The following PSEN1 variants were observed in gnomAD, a reference collection of about 807,000 sequenced individuals.
PSEN1 encodes presenilin-1.
Under a neutral mutation model 53.5 loss-of-function variants are expected in PSEN1, and 15 were observed. That is an observed-to-expected ratio of 0.28 (90% CI 0.19 to 0.43). The LOEUF is 0.43. Among genes scored for constraint, PSEN1 ranks in the 20% least tolerant of loss-of-function variants. The pLI, the probability that PSEN1 is intolerant of heterozygous loss-of-function variation, is 1.00. For missense variants in PSEN1, 387 were observed against 571.2 expected, an observed-to-expected ratio of 0.68 and a Z score of 3.29; for synonymous variants, 208 against 209.8, an observed-to-expected ratio of 0.99 and a Z score of 0.08.
At chr14:73,198,556 T>C (rs919374593) in intron 8 of PSEN1, among the ~76,000 whole-genome samples, 2 of 152,098 alleles carry the variant, frequency 1.3e-5, no homozygotes, top group African/African-American at 4.8e-5. Flanking sequence ...AATTGGTGGG[T>C]TGGATACTGA....
At chr14:73,192,915 T>G in intron 7 of PSEN1, 51 bp downstream of exon 7, 2 of 1,391,234 alleles carry the variant, frequency 1.4e-6, no homozygotes, top group Non-Finnish European at 2.0e-6. Context: ...CCCACTGGAG[T>G]GTTTTCTTTC....
At chr14:73,216,780 T>C (rs1899934650) in intron 10 of PSEN1, among the ~76,000 whole-genome samples, 1 of 151,960 alleles carries the variant, frequency 6.6e-6, no homozygotes, top group Non-Finnish European at 1.5e-5. Context: ...AAATATTAAT[T>C]AATATGATAA....
intron 3 of PSEN1, among the ~76,000 whole-genome samples, chr14:73,150,624 G>T (rs1897190626): frequency 6.6e-6 from 1 of 151,748 alleles, no homozygotes. Flanking sequence ...AATTTAGCCA[G>T]GCGTGATGGC....
chr14:73,214,917 G>A (rs1314677259), intron 10 of PSEN1, among the ~76,000 whole-genome samples: 1 of 152,036 alleles, frequency 6.6e-6, no homozygotes, highest in Non-Finnish European at 1.5e-5. Flanking sequence ...AACTTAAAAA[G>A]GGTTAAGATG....
At chr14:73,207,881 G>C (rs1899517661) in intron 9 of PSEN1, among the ~76,000 whole-genome samples, 1 of 152,236 alleles carries the variant, frequency 6.6e-6, no homozygotes, top group African/African-American at 2.4e-5. Context: ...GGCTGCAGCA[G>C]GGCAGGCAGC....
At chr14:73,144,329 T>C (rs1251974986) in intron 1 of PSEN1, among the ~76,000 whole-genome samples, 1 of 152,124 alleles carries the variant, frequency 6.6e-6, no homozygotes, top group Non-Finnish European at 1.5e-5. Flanking sequence ...CGTGAGCCAC[T>C]GCGCCCAGCC....
intron 3 of PSEN1, among the ~76,000 whole-genome samples, chr14:73,170,201 C>T (rs947454000): frequency 6.6e-6 from 1 of 152,162 alleles, no homozygotes; most frequent in African/African-American, 2.4e-5. Flanking sequence ...TTTTGGCCAG[C>T]TTCTTTATTG....
At chr14:73,140,385 A>G (rs1896890868) in intron 1 of PSEN1, among the ~76,000 whole-genome samples, 1 of 150,546 alleles carries the variant, frequency 6.6e-6, no homozygotes. Context: ...TAATTTTTGT[A>G]TTTTTAGTAG....
chr14:73,196,415 A>G (rs1346405488), intron 7 of PSEN1, among the ~76,000 whole-genome samples: 2 of 136,600 alleles, frequency 1.5e-5, no homozygotes, highest in African/African-American at 3.1e-5. Flanking sequence ...TATATATACT[A>G]TATTATATTG....
intron 3 of PSEN1, among the ~76,000 whole-genome samples, chr14:73,148,687 C>T (rs535571420): frequency 6.6e-6 from 1 of 152,150 alleles, no homozygotes; most frequent in Non-Finnish European, 1.5e-5. Flanking sequence ...AATCCCAGCA[C>T]TTTGGGAGGC....
At chr14:73,208,752 T>C in intron 9 of PSEN1, 2 of 434,962 alleles carry the variant, frequency 4.6e-6, no homozygotes, top group East Asian at 1.4e-4. Context: ...AACTGGGAGC[T>C]TGGCCTCCAG....
chr14:73,199,192 A>T (rs964723360), intron 8 of PSEN1, among the ~76,000 whole-genome samples: 2 of 152,218 alleles, frequency 1.3e-5, no homozygotes, highest in African/African-American at 4.8e-5. Flanking sequence ...TTTAGAAATG[A>T]AATACTAGAG....
chr14:73,184,987 C>T (rs1396916840), intron 5 of PSEN1, among the ~76,000 whole-genome samples: 3 of 150,612 alleles, frequency 2.0e-5, no homozygotes, highest in Non-Finnish European at 3.0e-5. Context: ...GGCAGAGGCG[C>T]TCCCCACATC....
At position 73,164,254 on chromosome 14, in the gene PSEN1, A is replaced by G. The variant is rs151082255; in HGVS notation, c.88-6543A>G. On this transcript the variant is annotated intron_variant, in intron 3 of 11. Transcript: ENST00000324501. ...AGAAGACAGAGGAGAAGCTTAGAAT[A>G]GAGTTCTAGGAGAGGTCAGAGATGG... 3.1e-3 allele frequency among the ~76,000 whole-genome samples: 479 copies of G among 152,340 alleles called. 2 individuals carry two copies. The highest frequency in any genetic ancestry group is 8.7e-3 in the African/African-American group (363 of 41,578).
chr14:73,173,479 A>C, intron 4 of PSEN1, 87 bp from the exon 5 acceptor site: 1 of 1,390,292 alleles, frequency 7.2e-7, no homozygotes. Flanking sequence ...TGAATTAAGA[A>C]AAAGAAAATT....
At chr14:73,171,151 G>C (rs982851523) in intron 4 of PSEN1, 104 bp downstream of exon 4, 2 of 1,389,194 alleles carry the variant, frequency 1.4e-6, no homozygotes, top group Non-Finnish European at 2.0e-6. Context: ...GCATGACTTA[G>C]CTGGAGAGCC....
Position 73,187,014 on chromosome 14 carries a change from C to T in PSEN1, c.548+94C>T, listed in dbSNP as rs529089245. On this transcript the variant is annotated intron_variant, in intron 6 of 11. Coordinates refer to ENST00000324501, the MANE Select transcript of PSEN1 (RefSeq NM_000021.4). ...AGCCATGTACTTTGTTGATGAATTA[C>T]TCTGAAGTTTTAATTGTTTCCACAT... 26 of 1,036,346 alleles carry T rather than the reference C, an allele frequency of 2.5e-5. No individual in the cohort carries two copies. The South Asian group carries it at 3.3e-4, about 13-fold the overall frequency. The allele number at this position is 1,036,346 out of a possible 1,614,324, so 64.2% of individuals were successfully genotyped here.
At position 73,220,417 on chromosome 14, in the gene PSEN1, A is replaced by ATTTTGT. The variant is rs1204971937; in HGVS notation, c.*1134_*1139dup. ...CTGTTGAAGCACTTTCTGTCCTGGT[A>ATTTTGT]TTTTGTTTTTGCTTTTGCCACACAG... On this transcript the variant is annotated 3_prime_UTR_variant, in exon 12 of 12. Transcript: ENST00000324501. 2 of 152,654 alleles carry ATTTTGT rather than the reference A, an allele frequency of 1.3e-5. No individual in the cohort carries two copies. Among genetic ancestry groups the ATTTTGT allele is most frequent in the African/African-American group, 4.8e-5 (2 of 41,450 alleles). The allele number at this position is 152,654 out of a possible 1,614,324, so 9.5% of individuals were successfully genotyped here. A position where few individuals can be genotyped will look rare whatever the true frequency, so the allele number is the denominator to read the frequency against.
intron 5 of PSEN1, among the ~76,000 whole-genome samples, chr14:73,177,989 G>C (rs2049897097): frequency 6.6e-6 from 1 of 151,698 alleles, no homozygotes. Flanking sequence ...AAACAGAGTG[G>C]CGCACTGCAA....
Sources: allele counts gnomAD v4.1 joint callset (sites outside exome capture counted in the v4.1 genomes callset), GRCh38; gene constraint gnomAD v4.1.1; transcripts MANE v1.5; gene names NCBI Gene and HGNC (gene_info 2026-07-23, HGNC 2026-07-21).